The following POLDIP2 variants were observed in gnomAD, a reference collection of about 807,000 sequenced individuals.
POLDIP2 encodes the protein polymerase delta-interacting protein 2.
A neutral mutation model predicts 52.9 loss-of-function variants in POLDIP2; 32 were observed. The observed-to-expected ratio is 0.61, with a 90% CI of 0.46 to 0.81. The LOEUF (loss-of-function observed/expected upper bound fraction) is 0.81. Ranked by LOEUF, POLDIP2 falls within the 40% of genes least tolerant of loss-of-function variation. POLDIP2 has a pLI of 0.00. For missense variants in POLDIP2, 371 were observed against 477.3 expected (o/e 0.78, Z 2.07); for synonymous variants, 183 against 183.0 (o/e 1.00, Z 0.00).
Position 28,353,771 on chromosome 17 carries a change from T to C in POLDIP2, c.362A>G (p.His121Arg). ...APEKAENPAG[H>R]GSKEVKGKTH... ...TTTGCCTTTCACCTCCTTGGAGCCA[T>C]GGCCAGCAGGGTTCTCTGCTCTATG... The change falls in exon 4 of 11, where the codon CAT (histidine) becomes CGT (arginine). Residue 121 changes from histidine to arginine, a missense_variant. By Grantham distance (29) the His-to-Arg change is conservative. Coordinates refer to ENST00000540200, the MANE Select transcript of POLDIP2 (RefSeq NM_015584.5). 2 of 1,613,160 alleles carry C rather than the reference T, an allele frequency of 1.2e-6. No individual in the cohort carries two copies. Among genetic ancestry groups the C allele is most frequent in the Non-Finnish European group, 1.7e-6 (2 of 1,179,302 alleles).
intron 1 of POLDIP2, 140 bp downstream of exon 1, chr17:28,357,148 G>C: frequency 1.3e-6 from 1 of 799,740 alleles, no homozygotes; most frequent in Non-Finnish European, 1.8e-6. Flanking sequence ...AGCGCAGGTC[G>C]GCTCCCTGCT....
Position 28,348,063 on chromosome 17 carries a change from A to T in POLDIP2, c.*54T>A. On this transcript the variant is annotated 3_prime_UTR_variant, in exon 11 of 11. Transcript: ENST00000540200. ...AGAAGAGTTCTGCAGCAATTGTGGG[A>T]TGAGAGTTGTTCTTCCCGGTGACCA... 1 of 986,530 alleles carries T rather than the reference A, an allele frequency of 1.0e-6. No homozygotes were observed. Among genetic ancestry groups the T allele is most frequent in the Non-Finnish European group, 1.6e-6 (1 of 612,570 alleles). The allele number at this position is 986,530 out of a possible 1,614,324, so 61.1% of individuals were successfully genotyped here.
At chr17:28,348,987 C>T in intron 10 of POLDIP2, 96 bp downstream of exon 10, 1 of 781,186 alleles carries the variant, frequency 1.3e-6, no homozygotes, top group Non-Finnish European at 2.1e-6. Flanking sequence ...GTAACTTGGC[C>T]CAGAGTTAAT....
intron 4 of POLDIP2, 22 bp downstream of exon 4, chr17:28,353,673 C>T (rs1907909018): frequency 6.5e-7 from 1 of 1,543,300 alleles, no homozygotes; most frequent in South Asian, 1.1e-5. Flanking sequence ...GACCCCCAAG[C>T]CCAGCCATCT....
chr17:28,349,112 G>C lies in POLDIP2; in HGVS notation c.963C>G (p.Val321=). The part of the protein sequence containing the change: ...EQPAFQYSSH[V]SLQASSGHMW... ...TGTGCCCACTGGAAGCCTGCAGCGA[G>C]ACGTGGCTGCTATACTGGAACGCAG... The change falls in exon 10 of 11, where the codon GTC becomes GTG. Residue 321 remains valine (V), a synonymous_variant. Coordinates refer to ENST00000540200, the MANE Select transcript of POLDIP2 (RefSeq NM_015584.5). The C allele has an allele frequency of 6.2e-7, 1 of 1,613,440 alleles. No individual in the cohort carries two copies. Among genetic ancestry groups the C allele is most frequent in the Non-Finnish European group, 8.5e-7 (1 of 1,179,644 alleles).
chr17:28,354,012 T>G (rs1907923385), intron 3 of POLDIP2, among the ~76,000 whole-genome samples: 1 of 152,150 alleles, frequency 6.6e-6, no homozygotes, highest in Non-Finnish European at 1.5e-5. Context: ...CATCTGACCG[T>G]GTGGATACCT....
rs1907917788 is a variant in POLDIP2, at chr17:28,353,863, T to C, written c.342-72A>G. 8.3e-6 allele frequency: 8 copies of C among 967,130 alleles called. No homozygotes were observed. The South Asian group carries it at 1.0e-4, about 12-fold the overall frequency. 59.9% of individuals were successfully genotyped at this position (967,130 alleles called of 1,614,324 possible). A position where few individuals can be genotyped will look rare whatever the true frequency, so the allele number is the denominator to read the frequency against. ...AGCTGTGGCTGACTCAGCTCCCTAC[T>C]CCTCCTCACCTAAACAGGCTGGTCT... is the stretch of plus-strand genomic sequence containing the variant. On this transcript the variant is annotated intron_variant, in intron 3 of 10. Coordinates refer to ENST00000540200, the MANE Select transcript of POLDIP2 (RefSeq NM_015584.5).
chr17:28,352,537 C>T (rs868932660), intron 6 of POLDIP2, among the ~76,000 whole-genome samples: 2 of 129,220 alleles, frequency 1.5e-5, no homozygotes, highest in Non-Finnish European at 1.6e-5. Context: ...GCACCCGGGC[C>T]TTTTTTTTTT....
Position 28,347,825 on chromosome 17 carries a change from G to A in POLDIP2, c.*292C>T, listed in dbSNP as rs535628049. ...CACTGGTTTACTGATCAAACCTCACGTGACAGGCCAGGAAACTCCTCCAGG... is the reference window on the plus strand; with the variant it reads ...CACTGGTTTACTGATCAAACCTCACATGACAGGCCAGGAAACTCCTCCAGG... On this transcript the variant is annotated 3_prime_UTR_variant, in exon 11 of 11. Transcript: ENST00000540200. 349 of 350,224 alleles carry A rather than the reference G, an allele frequency of 1.0e-3. No homozygotes were observed. Among genetic ancestry groups the A allele is most frequent in the Non-Finnish European group, 1.6e-3 (298 of 190,370 alleles). The allele number at this position is 350,224 out of a possible 1,614,324, so 21.7% of individuals were successfully genotyped here.
rs376731715 is a variant in POLDIP2, at chr17:28,353,701, T to C, written c.432A>G (p.Pro144=). The C allele has an allele frequency of 3.7e-6, 6 of 1,608,992 alleles. No individual in the cohort carries two copies. The African/African-American group carries it at 8.0e-5, about 22-fold the overall frequency. The change falls in exon 4 of 11, where the codon CCA becomes CCG. Residue 144 remains proline, a synonymous_variant. Transcript: ENST00000540200. ...YQVLIDARDC[P]HISQRSQTEA... ...AGCCATCTTGCTTACTTACTATATG[T>C]GGGCAGTCACGAGCATCAATCAGCA... is the stretch of plus-strand genomic sequence containing the variant.
Position 28,351,741 on chromosome 17 carries a change from G to A in POLDIP2, c.682C>T (p.Leu228=). Reference sequence around the variant, plus strand: ...TCCCGATGAACATCGGAGAGCTCCAGCCAGGGGTGATTCTTCTCTTGCCAG... The same window carrying A: ...TCCCGATGAACATCGGAGAGCTCCAACCAGGGGTGATTCTTCTCTTGCCAG... ...RAWQEKNHPW[L]ELSDVHRETT... is the part of the protein sequence containing the mutation. Residue 228 remains leucine, a synonymous_variant, in exon 7 of 11, where the codon CTG becomes TTG. Transcript: ENST00000540200. 1 of 1,613,606 alleles carries A rather than the reference G, an allele frequency of 6.2e-7. No individual in the cohort carries two copies. Among genetic ancestry groups the A allele is most frequent in the Non-Finnish European group, 8.5e-7 (1 of 1,179,512 alleles).
chr17:28,355,226 C>T (rs1185885388), intron 2 of POLDIP2, among the ~76,000 whole-genome samples: 1 of 152,234 alleles, frequency 6.6e-6, no homozygotes, highest in African/African-American at 2.4e-5. Context: ...ATAGTCCACA[C>T]CATCCCTGTC....
intron 3 of POLDIP2, 103 bp from the exon 4 acceptor site, chr17:28,353,894 C>T (rs1485364900): frequency 1.2e-5 from 9 of 771,860 alleles, no homozygotes; most frequent in Non-Finnish European, 2.1e-5. Flanking sequence ...GGTCTCTGAT[C>T]TAAAGGGGCT....
chr17:28,348,497 G>A (rs1458345161), intron 10 of POLDIP2, among the ~76,000 whole-genome samples: 1 of 152,222 alleles, frequency 6.6e-6, no homozygotes, highest in African/African-American at 2.4e-5. Flanking sequence ...GAGGTCACCT[G>A]AGGTGGGGAG....
intron 10 of POLDIP2, 26 bp from the exon 11 acceptor site, chr17:28,348,257 G>C: frequency 1.3e-6 from 2 of 1,535,612 alleles, no homozygotes; most frequent in African/African-American, 1.4e-5. Context: ...AGCTGGTTTA[G>C]AAGGAGCCAG....
In POLDIP2 at chr17:28,352,922, G is replaced by C. The variant is rs782319131; in HGVS notation, c.612C>G (p.Asp204Glu). The change falls in exon 6 of 11, where the codon GAC becomes GAG. Residue 204 changes from aspartate to glutamate, a missense_variant. Asp to Glu is a conservative substitution (Grantham distance 45). Transcript: ENST00000540200. ...CTTGAGAGAGATTACCTTTTGTCTG[G>C]TCATACAGAAGAAATCTTTCAAAGA... The part of the protein sequence containing the change: ...HELFERFLLY[D>E]QTKAPPFVAR... 24 of 1,582,944 alleles carry C rather than the reference G, an allele frequency of 1.5e-5. No individual in the cohort carries two copies. Among genetic ancestry groups the C allele is most frequent in the Non-Finnish European group, 1.8e-5 (21 of 1,151,836 alleles).
chr17:28,350,900 C>A, intron 7 of POLDIP2, 108 bp from the exon 8 acceptor site: 1 of 917,802 alleles, frequency 1.1e-6, no homozygotes, highest in Non-Finnish European at 1.7e-6. Context: ...TGCAGACAGA[C>A]CAAGCTGAGA....
At chr17:28,352,263 G>A (rs541152168) in intron 6 of POLDIP2, among the ~76,000 whole-genome samples, 67 of 20,266 alleles carry the variant, frequency 3.3e-3, no homozygotes, top group Non-Finnish European at 4.5e-3. Flanking sequence ...TTTGGAGACG[G>A]AGTCTTGATC....
At chr17:28,354,455 G>T in intron 3 of POLDIP2, 33 bp downstream of exon 3, 1 of 1,430,076 alleles carries the variant, frequency 7.0e-7, no homozygotes, top group Non-Finnish European at 9.7e-7. Flanking sequence ...TCCTCCTGAG[G>T]ATACTGTGAG....
Sources: allele counts gnomAD v4.1 joint callset (sites outside exome capture counted in the v4.1 genomes callset), GRCh38; gene constraint gnomAD v4.1.1; transcripts MANE v1.5; gene names NCBI Gene and HGNC (gene_info 2026-07-23, HGNC 2026-07-21).